The following EVI5 variants were observed in gnomAD, a reference collection of about 807,000 sequenced individuals.
EVI5 encodes the protein ecotropic viral integration site 5.
EVI5 carries 73 observed loss-of-function variants against 112.0 expected under a neutral mutation model. The ratio of observed to expected loss-of-function variants is 0.65; its 90% CI spans 0.54 to 0.79. The LOEUF is 0.79. EVI5 is among the 30% of genes least tolerant of loss of function. The pLI, the probability that EVI5 is intolerant of heterozygous loss-of-function variation, is 0.00. For missense variants in EVI5, 900 were observed against 968.8 expected (o/e 0.93, Z 0.94); for synonymous variants, 305 against 319.9 (o/e 0.95, Z 0.50).
intron 10 of EVI5, among the ~76,000 whole-genome samples, chr1:92,669,185 T>G (rs1665419279): frequency 6.6e-6 from 1 of 152,200 alleles, no homozygotes. Flanking sequence ...TTTTACTACT[T>G]TTGTCTATTT....
intron 9 of EVI5, among the ~76,000 whole-genome samples, chr1:92,688,364 C>A (rs530128432): frequency 1.3e-5 from 2 of 152,224 alleles, no homozygotes; most frequent in Admixed American, 1.3e-4. Context: ...TACCCTAGAA[C>A]TTAAAGTATA....
chr1:92,657,890 AG>A (rs1663286738), intron 13 of EVI5, among the ~76,000 whole-genome samples: 1 of 152,076 alleles, frequency 6.6e-6, no homozygotes, highest in African/African-American at 2.4e-5. Context: ...AGAGTAGGGG[AG>A]GGGGTTGCCA....
intron 1 of EVI5, among the ~76,000 whole-genome samples, chr1:92,748,832 C>T (rs761486470): frequency 2.0e-5 from 3 of 151,884 alleles, no homozygotes; most frequent in Non-Finnish European, 4.4e-5. Flanking sequence ...TCTGGGAGGC[C>T]GATGCGGGCA....
intron 1 of EVI5, among the ~76,000 whole-genome samples, chr1:92,759,732 C>A (rs1681510644): frequency 6.6e-6 from 1 of 152,082 alleles, no homozygotes; most frequent in South Asian, 2.1e-4. Flanking sequence ...GTAAAACTAG[C>A]CTTTTCTGTC....
chr1:92,593,141 C>G (rs1019204989), intron 18 of EVI5, among the ~76,000 whole-genome samples: 1 of 152,168 alleles, frequency 6.6e-6, no homozygotes, highest in African/African-American at 2.4e-5. Context: ...AGACCAATGT[C>G]CCTGATGAAC....
chr1:92,738,743 A>G (rs576682790), intron 1 of EVI5, among the ~76,000 whole-genome samples: 1 of 152,308 alleles, frequency 6.6e-6, no homozygotes, highest in East Asian at 1.9e-4. Flanking sequence ...AATAAAGTTT[A>G]ATATTCATAG....
intron 19 of EVI5, among the ~76,000 whole-genome samples, chr1:92,555,669 G>T (rs1667560883): frequency 6.6e-6 from 1 of 152,024 alleles, no homozygotes; most frequent in Non-Finnish European, 1.5e-5. Flanking sequence ...GGGCAACACG[G>T]TGAAACCCTG....
At chr1:92,589,473 G>A (rs889503563) in intron 18 of EVI5, among the ~76,000 whole-genome samples, 2 of 152,126 alleles carry the variant, frequency 1.3e-5, no homozygotes, top group Non-Finnish European at 2.9e-5. Context: ...ATTGTATCCT[G>A]TGCCTGGCTT....
At chr1:92,571,689 T>A (rs1023535357) in intron 18 of EVI5, among the ~76,000 whole-genome samples, 1 of 152,216 alleles carries the variant, frequency 6.6e-6, no homozygotes, top group African/African-American at 2.4e-5. Context: ...AATTATCTAA[T>A]GTTTACAATT....
intron 9 of EVI5, among the ~76,000 whole-genome samples, chr1:92,684,739 A>AT (rs1668214566): frequency 6.6e-6 from 1 of 152,036 alleles, no homozygotes. Flanking sequence ...CAAAAAAAAA[A>AT]GCATGGGTTG....
intron 9 of EVI5, among the ~76,000 whole-genome samples, chr1:92,681,264 A>C (rs1207964494): frequency 6.6e-6 from 1 of 152,206 alleles, no homozygotes; most frequent in Admixed American, 6.5e-5. Context: ...AAGTATTTAC[A>C]GATAAAGGGC....
At chr1:92,770,999 A>C (rs1291741264) in intron 1 of EVI5, among the ~76,000 whole-genome samples, 1 of 151,478 alleles carries the variant, frequency 6.6e-6, no homozygotes, top group Non-Finnish European at 1.5e-5. Context: ...TATTTTTAGT[A>C]GTGACAGGGT....
At chr1:92,631,183 G>C (rs146431452) in intron 14 of EVI5, among the ~76,000 whole-genome samples, 134,911 of 147,358 alleles carry the variant, frequency 0.92, 61,787 homozygotes, top group East Asian at 0.97. Flanking sequence ...GGTTCCATAT[G>C]AACTTTAAAG....
At chr1:92,653,643 T>C (rs889144489) in intron 13 of EVI5, among the ~76,000 whole-genome samples, 2 of 152,180 alleles carry the variant, frequency 1.3e-5, no homozygotes, top group African/African-American at 2.4e-5. Context: ...GGGGTGACTG[T>C]GGTCTTACTG....
intron 14 of EVI5, among the ~76,000 whole-genome samples, chr1:92,633,798 T>C (rs1226066161): frequency 6.6e-6 from 1 of 152,228 alleles, no homozygotes; most frequent in Non-Finnish European, 1.5e-5. Context: ...CAATTTGGCA[T>C]GTTTTTGCAG....
chr1:92,577,134 A>G (rs1026179411), intron 18 of EVI5, among the ~76,000 whole-genome samples: 1 of 152,220 alleles, frequency 6.6e-6, no homozygotes, highest in Non-Finnish European at 1.5e-5. Context: ...ATCAGCCTCT[A>G]TACATGTTAG....
At chr1:92,623,461 T>G (rs1655003818) in intron 16 of EVI5, among the ~76,000 whole-genome samples, 1 of 152,154 alleles carries the variant, frequency 6.6e-6, no homozygotes, top group Non-Finnish European at 1.5e-5. Flanking sequence ...TCCAAACAAA[T>G]GTACCACATG....
At chr1:92,653,542 C>T (rs1475444377) in intron 13 of EVI5, among the ~76,000 whole-genome samples, 1 of 152,210 alleles carries the variant, frequency 6.6e-6, no homozygotes, top group Non-Finnish European at 1.5e-5. Flanking sequence ...GGGACTCCTC[C>T]TCAACCCCAC....
chr1:92,700,596 C>T (rs1670998810), intron 5 of EVI5, among the ~76,000 whole-genome samples: 1 of 152,064 alleles, frequency 6.6e-6, no homozygotes, highest in Non-Finnish European at 1.5e-5. Context: ...CCACTGCTTG[C>T]CCTGTCTTGA....
Sources: gnomAD v4.1 joint callset for allele counts (sites outside exome capture counted in the v4.1 genomes callset) on GRCh38, gnomAD v4.1.1 for gene constraint, MANE v1.5 for transcripts, NCBI Gene and HGNC (gene_info 2026-07-23, HGNC 2026-07-21) for gene names.